Variants in REDIC1 observed in about 807,000 individuals in gnomAD.
REDIC1 encodes the protein HEI10 Interacting Protein 1.
the REDIC1 span, among the ~76,000 whole-genome samples, chr12:39,653,537 TTTTTCTTC>T: frequency 3.6e-5 from 2 of 55,492 alleles, no homozygotes; most frequent in Non-Finnish European, 5.0e-5. Flanking sequence ...CTTCTTCTTC[TTTTTCTTC>T]TTCTTCTTCT....
the REDIC1 span, chr12:39,650,331 G>A: frequency 3.1e-6 from 5 of 1,610,618 alleles, no homozygotes; most frequent in Non-Finnish European, 4.2e-6. The surrounding 1 kb of genome is among the most constrained non-coding windows in gnomAD (Gnocchi z 4.3). Context: ...CACGATTTGG[G>A]ACATTATTTG....
the REDIC1 span, among the ~76,000 whole-genome samples, chr12:39,768,795 G>T: frequency 3.9e-5 from 6 of 152,080 alleles, no homozygotes; most frequent in African/African-American, 1.2e-4. Flanking sequence ...ACCAAAATGT[G>T]ACATAAAGAC....
At chr12:39,818,874 C>T in the REDIC1 span, among the ~76,000 whole-genome samples, 1 of 152,104 alleles carries the variant, frequency 6.6e-6, no homozygotes, top group Non-Finnish European at 1.5e-5. Context: ...TAACTCTGAT[C>T]TGGCCCTTTC....
chr12:39,901,038 A>G, the REDIC1 span, among the ~76,000 whole-genome samples: 3 of 152,198 alleles, frequency 2.0e-5, no homozygotes, highest in African/African-American at 4.8e-5. Context: ...AACACTGCAT[A>G]TCTACAACCA....
At chr12:39,695,112 C>A in the REDIC1 span, among the ~76,000 whole-genome samples, 2 of 152,104 alleles carry the variant, frequency 1.3e-5, no homozygotes, top group Non-Finnish European at 2.9e-5. Context: ...CCAGGGACTG[C>A]ATTGAGGGCC....
chr12:39,854,476 C>A, the REDIC1 span, among the ~76,000 whole-genome samples: 3 of 152,288 alleles, frequency 2.0e-5, no homozygotes, highest in East Asian at 5.8e-4. Flanking sequence ...CCTGCCCAAA[C>A]GCCTTTTCCC....
At chr12:39,746,709 G>T in the REDIC1 span, among the ~76,000 whole-genome samples, 2 of 152,210 alleles carry the variant, frequency 1.3e-5, no homozygotes, top group Non-Finnish European at 2.9e-5. Context: ...ACACGGCTGG[G>T]TGCCCCCCTG....
chr12:39,758,159 G>GA, the REDIC1 span: 7 of 151,316 alleles, frequency 4.6e-5, no homozygotes, highest in East Asian at 1.9e-4. Context: ...CTAATTCAAG[G>GA]AAAAAACCTC....
chr12:39,810,802 A>G, the REDIC1 span, among the ~76,000 whole-genome samples: 1 of 152,150 alleles, frequency 6.6e-6, no homozygotes, highest in Non-Finnish European at 1.5e-5. Flanking sequence ...TAAATCAACC[A>G]TGAATTCCTT....
chr12:39,907,809 C>T, the REDIC1 span: 62,564 of 151,946 alleles, frequency 0.41, 14,081 homozygotes, highest in Middle Eastern at 0.51. Context: ...ATGAACCTGC[C>T]TGATTCTCCA....
At chr12:39,800,626 G>A in the REDIC1 span, among the ~76,000 whole-genome samples, 632 of 48,348 alleles carry the variant, frequency 0.013, 5 homozygotes, top group Non-Finnish European at 0.02. Context: ...GGAGAAATAG[G>A]AACACTTTTA....
the REDIC1 span, among the ~76,000 whole-genome samples, chr12:39,852,866 C>T: frequency 3.3e-5 from 5 of 152,118 alleles, no homozygotes; most frequent in African/African-American, 9.7e-5. Context: ...CCTTCCGAGA[C>T]GAATTAGACT....
the REDIC1 span, among the ~76,000 whole-genome samples, chr12:39,739,178 C>A: frequency 6.6e-6 from 1 of 152,084 alleles, no homozygotes; most frequent in Non-Finnish European, 1.5e-5. Flanking sequence ...AATTGAGTTG[C>A]AGAGTTGCAA....
At chr12:39,855,581 T>C in the REDIC1 span, among the ~76,000 whole-genome samples, 1 of 152,234 alleles carries the variant, frequency 6.6e-6, no homozygotes, top group African/African-American at 2.4e-5. Context: ...CTGTTTTTTT[T>C]GTTGTTGTTT....
At chr12:39,721,797 A>G in the REDIC1 span, 1 of 152,124 alleles carries the variant, frequency 6.6e-6, no homozygotes, top group South Asian at 2.1e-4. Context: ...CTATTTGCAT[A>G]ACATAGTTTT....
the REDIC1 span, among the ~76,000 whole-genome samples, chr12:39,731,745 G>T: frequency 6.6e-6 from 1 of 151,958 alleles, no homozygotes; most frequent in Non-Finnish European, 1.5e-5. Context: ...CTGAAGTTGT[G>T]CCTATAGCCG....
the REDIC1 span, among the ~76,000 whole-genome samples, chr12:39,775,721 G>A: frequency 2.6e-5 from 4 of 152,156 alleles, no homozygotes; most frequent in Admixed American, 1.3e-4. Context: ...ATATGGATAA[G>A]AGTGACTGGA....
the REDIC1 span, among the ~76,000 whole-genome samples, chr12:39,879,774 T>C: frequency 6.6e-6 from 1 of 152,158 alleles, no homozygotes; most frequent in Admixed American, 6.5e-5. Context: ...TGGAATGAGT[T>C]AAGACTTTGA....
the REDIC1 span, among the ~76,000 whole-genome samples, chr12:39,632,699 C>T: frequency 6.6e-6 from 1 of 152,150 alleles, no homozygotes; most frequent in Non-Finnish European, 1.5e-5. Context: ...TAGTCTACTA[C>T]ACACCTATGC....
Sources: gnomAD v4.1 joint callset for allele counts (sites outside exome capture counted in the v4.1 genomes callset) on GRCh38, gnomAD v4.1.1 for gene constraint, Gnocchi (gnomAD v3.1) non-coding constraint, MANE v1.5 for transcripts, NCBI Gene and HGNC (gene_info 2026-07-23, HGNC 2026-07-21) for gene names.